Variants in IHO1 observed in about 807,000 individuals in gnomAD.
The protein encoded by IHO1 is interactor of HORMAD1 1, also known as interactor of HORMAD1 protein 1.
A neutral mutation model predicts 31.0 loss-of-function variants in IHO1; 13 were observed. That is an observed-to-expected ratio of 0.42 (90% CI 0.27 to 0.67). The LOEUF is 0.67. Among genes scored for constraint, IHO1 ranks in the 30% least tolerant of loss-of-function variants. The probability of loss-of-function intolerance (pLI) is 0.24; values close to 1 mark genes in which losing one functional copy is unlikely to be tolerated. For missense variants in IHO1, 599 were observed against 687.5 expected, an observed-to-expected ratio of 0.87 and a Z score of 1.44; for synonymous variants, 221 against 248.4, an observed-to-expected ratio of 0.89 and a Z score of 1.04.
intron 2 of IHO1, among the ~76,000 whole-genome samples, chr3:49,214,953 T>G (rs777818160): frequency 1.1e-4 from 16 of 151,546 alleles, no homozygotes; most frequent in Admixed American, 2.0e-4. Flanking sequence ...CTTCATTAAG[T>G]CCAATTCCTC....
At chr3:49,227,798 A>C (rs1027360299) in intron 2 of IHO1, among the ~76,000 whole-genome samples, 1 of 152,132 alleles carries the variant, frequency 6.6e-6, no homozygotes, top group Non-Finnish European at 1.5e-5. Flanking sequence ...GACACCTTTT[A>C]TCCTCACTTG....
intron 2 of IHO1, among the ~76,000 whole-genome samples, chr3:49,222,882 T>G (rs1185933876): frequency 6.6e-6 from 1 of 152,080 alleles, no homozygotes; most frequent in East Asian, 1.9e-4. Context: ...TTGTAGTGAA[T>G]CCAAGATTCC....
chr3:49,206,405 T>G (rs1455957891), intron 1 of IHO1, among the ~76,000 whole-genome samples: 1 of 151,888 alleles, frequency 6.6e-6, no homozygotes, highest in Non-Finnish European at 1.5e-5. Context: ...CATTTTTGTA[T>G]TTTTAATAGA....
chr3:49,194,118 A>G (rs2045982612), upstream of IHO1, among the ~76,000 whole-genome samples: 2 of 149,678 alleles, frequency 1.3e-5, no homozygotes, highest in African/African-American at 2.5e-5. Flanking sequence ...AAATGGAAAA[A>G]TTAGCCAGGT....
chr3:49,254,978 G>A (rs529566971), intron 6 of IHO1, among the ~76,000 whole-genome samples: 13 of 151,700 alleles, frequency 8.6e-5, no homozygotes, highest in East Asian at 1.9e-4. Flanking sequence ...CAGGAGAATC[G>A]CTCAAACCTA....
rs1405262750 is a variant in IHO1 at position 49,256,281 on chromosome 3, T to C, written c.784T>C (p.Ser262Pro). The C allele has an allele frequency of 6.2e-7, 1 of 1,614,172 alleles. No individual in the cohort carries two copies. Among genetic ancestry groups the C allele is most frequent in the South Asian group, 1.1e-5 (1 of 91,086 alleles). Residue 262 changes from serine to proline, a missense_variant, in exon 8 of 8, where the codon TCA becomes CCA. Physicochemically the swap from Ser to Pro is moderately conservative, Grantham distance 74. Coordinates refer to ENST00000452691, the MANE Select transcript of IHO1 (RefSeq NM_001135197.2). The surrounding 1 kb of genome is among the most constrained non-coding windows in gnomAD (Gnocchi z 4.6). ...SVLAELKRLI[S>P]VPPVKDSASQ... is the part of the protein sequence containing the mutation. Reference sequence around the variant, plus strand: ...CCTAGCAGAGCTGAAGAGATTGATCTCAGTGCCTCCAGTGAAAGACAGTGC... The same window carrying C: ...CCTAGCAGAGCTGAAGAGATTGATCCCAGTGCCTCCAGTGAAAGACAGTGC...
chr3:49,201,284 C>T lies in IHO1; in HGVS notation c.-16+1711C>T, dbSNP rs961701676. On this transcript the variant is annotated intron_variant, in intron 1 of 7. Transcript: ENST00000452691. ...CTGGGATTACAGGCATGAACCACCGCACCCGGCCATTTACCACAATTTTTA... is the reference window on the plus strand; with the variant it reads ...CTGGGATTACAGGCATGAACCACCGTACCCGGCCATTTACCACAATTTTTA... Among the ~76,000 whole-genome samples the T allele has an allele frequency of 4.6e-5, 7 of 151,668 alleles. No homozygotes were observed. The East Asian group carries it at 5.9e-4, about 13-fold the overall frequency.
At chr3:49,211,223 T>C (rs2046210017) in intron 1 of IHO1, among the ~76,000 whole-genome samples, 2 of 151,878 alleles carry the variant, frequency 1.3e-5, no homozygotes, top group Non-Finnish European at 2.9e-5. Context: ...TTAGCCACGA[T>C]GGTCTTGATC....
At chr3:49,251,075 G>T (rs1451288907) in intron 6 of IHO1, among the ~76,000 whole-genome samples, 1 of 151,874 alleles carries the variant, frequency 6.6e-6, no homozygotes, top group African/African-American at 2.4e-5. Context: ...TAGTTTAGCG[G>T]TTCCATTTTC....
chr3:49,232,210 T>C (rs1323851654), intron 2 of IHO1, among the ~76,000 whole-genome samples: 1 of 152,154 alleles, frequency 6.6e-6, no homozygotes, highest in East Asian at 1.9e-4. Context: ...TCCATATAAT[T>C]CTCAAGGACA....
chr3:49,229,809 C>T (rs1331649340), intron 2 of IHO1, among the ~76,000 whole-genome samples: 1 of 152,160 alleles, frequency 6.6e-6, no homozygotes, highest in Non-Finnish European at 1.5e-5. Context: ...GCCTGATGGA[C>T]AACCTGGGAC....
chr3:49,252,089 C>G (rs557102352), intron 6 of IHO1: 1 of 153,394 alleles, frequency 6.5e-6, no homozygotes, highest in East Asian at 1.9e-4. Context: ...CCTCGGCCTC[C>G]CAAAGTGCTG....
At chr3:49,201,622 C>CA (rs1267160865) in intron 1 of IHO1, among the ~76,000 whole-genome samples, 2 of 151,196 alleles carry the variant, frequency 1.3e-5, no homozygotes, top group African/African-American at 2.4e-5. Flanking sequence ...GACTGCATCC[C>CA]AAAAAAAATT....
intron 6 of IHO1, among the ~76,000 whole-genome samples, chr3:49,251,287 AT>A (rs1190363805): frequency 0.01 from 1,263 of 122,744 alleles, 15 homozygotes; most frequent in African/African-American, 0.029. Flanking sequence ...TGCCTGGCTA[AT>A]TTTTTTTTTT....
intron 1 of IHO1, among the ~76,000 whole-genome samples, chr3:49,210,697 CTT>C (rs768927173): frequency 1.1e-4 from 14 of 131,528 alleles, no homozygotes; most frequent in Admixed American, 1.6e-4. Context: ...CTGCGCCCGG[CTT>C]TTTTTTTTTT....
At chr3:49,225,790 C>T (rs1374717962) in intron 2 of IHO1, among the ~76,000 whole-genome samples, 5 of 152,106 alleles carry the variant, frequency 3.3e-5, no homozygotes, top group East Asian at 1.9e-4. Context: ...TGAGGACAGT[C>T]GCCCGGGACA....
Position 49,236,678 on chromosome 3 carries a change from G to T in IHO1, c.187G>T (p.Ala63Ser). Reference protein sequence around the residue: ...ETLSAPLDFGAHLRHSKQSQQ... With the variant: ...ETLSAPLDFGSHLRHSKQSQQ... Reference sequence around the variant, plus strand: ...CCTATCAGCACCCTTGGACTTTGGTGCCCACTTGAGACATTCAAAACAGTC... The same window carrying T: ...CCTATCAGCACCCTTGGACTTTGGTTCCCACTTGAGACATTCAAAACAGTC... The change falls in exon 3 of 8, where the codon GCC becomes TCC. Residue 63 changes from alanine to serine, a missense_variant. Coordinates refer to ENST00000452691, the MANE Select transcript of IHO1 (RefSeq NM_001135197.2). 1 of 1,614,030 alleles carries T rather than the reference G, an allele frequency of 6.2e-7. No homozygotes were observed. The highest frequency in any genetic ancestry group is 1.7e-5 in the Admixed American group (1 of 59,978).
intron 6 of IHO1, among the ~76,000 whole-genome samples, chr3:49,246,199 A>C (rs904353663): frequency 7.3e-5 from 11 of 151,534 alleles, no homozygotes; most frequent in Admixed American, 3.9e-4. Flanking sequence ...AAAAAAAAAA[A>C]AAACTTGTTC....
chr3:49,243,972 T>C (rs942917852), intron 4 of IHO1, among the ~76,000 whole-genome samples: 6 of 151,288 alleles, frequency 4.0e-5, no homozygotes, highest in African/African-American at 1.5e-4. Context: ...TATTTTATTT[T>C]GAGGTGGAGT....
Sources: gnomAD v4.1 joint callset for allele counts (sites outside exome capture counted in the v4.1 genomes callset) on GRCh38, gnomAD v4.1.1 for gene constraint, Gnocchi (gnomAD v3.1) non-coding constraint, MANE v1.5 for transcripts, NCBI Gene and HGNC (gene_info 2026-07-23, HGNC 2026-07-21) for gene names.